ERG: variants seen among roughly 807,000 people sequenced by gnomAD.
The protein encoded by ERG is transcriptional regulator ERG.
A neutral mutation model predicts 55.3 loss-of-function variants in ERG; 9 were observed. The observed-to-expected ratio is 0.16, with a 90% CI of 0.10 to 0.28. ERG has a LOEUF of 0.28. Among genes scored for constraint, ERG ranks in the 10% least tolerant of loss-of-function variants. The probability of loss-of-function intolerance (pLI) is 1.00; values close to 1 mark genes in which losing one functional copy is unlikely to be tolerated. For synonymous variants in ERG, 223 were observed against 237.3 expected, an observed-to-expected ratio of 0.94 and a Z score of 0.55; for missense variants, 434 against 631.6, an observed-to-expected ratio of 0.69 and a Z score of 3.35.
chr21:38,502,292 T>TA (rs1219137770), upstream of ERG, among the ~76,000 whole-genome samples: 10 of 152,362 alleles, frequency 6.6e-5, no homozygotes, highest in East Asian at 1.9e-4. Context: ...CCTGGTTAGT[T>TA]AAAAAATCAC....
intron 3 of ERG, among the ~76,000 whole-genome samples, chr21:38,417,860 T>G (rs1184038461): frequency 6.6e-6 from 1 of 152,174 alleles, no homozygotes; most frequent in Non-Finnish European, 1.5e-5. Context: ...TGCTATAAGC[T>G]GCTAAAGCGA....
chr21:38,589,456 T>C (rs997386229), upstream of ERG, among the ~76,000 whole-genome samples: 1 of 152,208 alleles, frequency 6.6e-6, no homozygotes, highest in Non-Finnish European at 1.5e-5. Context: ...TGCCCCCACA[T>C]GACCCACGGA....
chr21:38,599,649 C>T lies in ERG; in HGVS notation c.-149-14704G>A, dbSNP rs113684300. On this transcript the variant is annotated intron_variant, in intron 1 of 10. Transcript: ENST00000398910. Reference sequence around the variant, plus strand: ...GCGTTTCCGATGCTAACACCAGCTCCGGATGCAAAGAATCTTGAAACAGGA... The same window carrying T: ...GCGTTTCCGATGCTAACACCAGCTCTGGATGCAAAGAATCTTGAAACAGGA... Among the ~76,000 whole-genome samples, 54 of 152,306 alleles carry T rather than the reference C, an allele frequency of 3.5e-4. 1 individual carries two copies. The highest frequency in any genetic ancestry group is 1.2e-3 in the African/African-American group (51 of 41,558).
At chr21:38,614,315 A>G (rs978023201) in intron 1 of ERG, among the ~76,000 whole-genome samples, 4 of 152,108 alleles carry the variant, frequency 2.6e-5, no homozygotes, top group Non-Finnish European at 2.9e-5. Context: ...ATGAATCCCA[A>G]TGTTGTTCAG....
At chr21:38,450,623 C>T (rs1304778986) in intron 1 of ERG, among the ~76,000 whole-genome samples, 1 of 152,174 alleles carries the variant, frequency 6.6e-6, no homozygotes, top group Non-Finnish European at 1.5e-5. Flanking sequence ...ATCTTTTAAC[C>T]ACTTTCATAA....
At chr21:38,614,858 G>A (rs1247001341) in intron 1 of ERG, among the ~76,000 whole-genome samples, 1 of 152,248 alleles carries the variant, frequency 6.6e-6, no homozygotes, top group Non-Finnish European at 1.5e-5. Flanking sequence ...TATTATTCTG[G>A]TTGGCCATTG....
At chr21:38,488,019 A>C (rs933845671) in intron 1 of ERG, among the ~76,000 whole-genome samples, 3 of 152,138 alleles carry the variant, frequency 2.0e-5, no homozygotes, top group African/African-American at 7.2e-5. Context: ...CTCGGGGTCA[A>C]ATGCAATCTC....
intron 1 of ERG, chr21:38,472,000 T>A (rs910254140): frequency 2.0e-5 from 3 of 152,224 alleles, no homozygotes; most frequent in Non-Finnish European, 4.4e-5. Flanking sequence ...CCTGTTGATC[T>A]CTATTCCATA....
At chr21:38,435,730 T>C (rs1341576252) in intron 2 of ERG, among the ~76,000 whole-genome samples, 2 of 152,228 alleles carry the variant, frequency 1.3e-5, no homozygotes, top group Non-Finnish European at 2.9e-5. Flanking sequence ...CAAAAACGAA[T>C]GCCAGCAAGA....
At chr21:38,420,032 T>G (rs1017337486) in intron 3 of ERG, among the ~76,000 whole-genome samples, 2 of 88,444 alleles carry the variant, frequency 2.3e-5, no homozygotes, top group African/African-American at 1.3e-4. Context: ...TAACTGATGG[T>G]TTTTTTTTTT....
chr21:38,375,330 C>T (rs1017212892), downstream of ERG, among the ~76,000 whole-genome samples: 67 of 152,148 alleles, frequency 4.4e-4, no homozygotes, highest in Admixed American at 1.6e-3. Context: ...GGATGGGGAA[C>T]CACGATAGGT....
intron 2 of ERG, among the ~76,000 whole-genome samples, chr21:38,525,130 A>G (rs1601186700): frequency 2.0e-5 from 3 of 152,268 alleles, no homozygotes; most frequent in East Asian, 3.9e-4. Context: ...TTTTAAAACT[A>G]AAAGAGAAAT....
At position 38,438,219 on chromosome 21, in the gene ERG, C is replaced by T. The variant is rs771501095; in HGVS notation, c.236+7185G>A. 2.0e-5 allele frequency among the ~76,000 whole-genome samples: 3 copies of T among 152,196 alleles called. No individual in the cohort carries two copies. In the East Asian group the frequency reaches 5.8e-4, roughly 29 times the overall value. On this transcript the variant is annotated intron_variant, in intron 2 of 9. Coordinates refer to ENST00000288319, the MANE Select transcript of ERG (RefSeq NM_182918.4). Reference sequence around the variant, plus strand: ...CTTTTTTGTGATCTTCTCCAGCCACCTTCTTTAGAGCTGCCATCCGCTTCA... The same window carrying T: ...CTTTTTTGTGATCTTCTCCAGCCACTTTCTTTAGAGCTGCCATCCGCTTCA...
chr21:38,449,878 G>C (rs2058925024), intron 1 of ERG, among the ~76,000 whole-genome samples: 1 of 152,130 alleles, frequency 6.6e-6, no homozygotes. Flanking sequence ...AGAATGGTCA[G>C]GTGAATTTCA....
chr21:38,382,274 C>T lies in ERG; in HGVS notation c.*1129G>A, dbSNP rs182244764. On this transcript the variant is annotated 3_prime_UTR_variant, in exon 10 of 10. Coordinates refer to ENST00000288319, the MANE Select transcript of ERG (RefSeq NM_182918.4). Reference sequence around the variant, plus strand: ...GACTTGTATACTTCATTCTGACAAACGCACAGCGTTCGCGACTCAAAGGAA... The same window carrying T: ...GACTTGTATACTTCATTCTGACAAATGCACAGCGTTCGCGACTCAAAGGAA... 23 of 1,052,588 alleles carry T rather than the reference C, an allele frequency of 2.2e-5. No homozygotes were observed. Among genetic ancestry groups the T allele is most frequent in the Admixed American group, 5.5e-5 (1 of 18,284 alleles). 65.2% of individuals were successfully genotyped at this position (1,052,588 alleles called of 1,614,324 possible).
chr21:38,612,145 G>A (rs979594682), intron 1 of ERG, among the ~76,000 whole-genome samples: 1 of 152,126 alleles, frequency 6.6e-6, no homozygotes, highest in Non-Finnish European at 1.5e-5. Context: ...AAGATCCAGC[G>A]ACGTCCTGAA....
intron 1 of ERG, among the ~76,000 whole-genome samples, chr21:38,607,566 T>A (rs2060203588): frequency 6.6e-6 from 1 of 151,936 alleles, no homozygotes; most frequent in East Asian, 1.9e-4. Flanking sequence ...CCCGGGAGGC[T>A]GAGCTTGCAG....
In ERG at chr21:38,446,351, G is replaced by A. The variant is rs544408553; in HGVS notation, c.19-730C>T. On this transcript the variant is annotated intron_variant, in intron 1 of 9. Coordinates refer to ENST00000288319, the MANE Select transcript of ERG (RefSeq NM_182918.4). ...CCCCTTACTTTCAATTAATATCTTC[G>A]CTCTTTTGCATGATTTGGTGAGAAG... Among the ~76,000 whole-genome samples, 8 of 150,684 alleles carry A rather than the reference G, an allele frequency of 5.3e-5. No homozygotes were observed. In the South Asian group the frequency reaches 6.3e-4, roughly 12 times the overall value.
intron 1 of ERG, among the ~76,000 whole-genome samples, chr21:38,491,738 G>A (rs777470115): frequency 1.3e-5 from 2 of 152,160 alleles, no homozygotes; most frequent in Non-Finnish European, 2.9e-5. Context: ...ACTCTGACCT[G>A]CGTGTTCATT....
Sources: gnomAD v4.1 joint callset for allele counts (sites outside exome capture counted in the v4.1 genomes callset) on GRCh38, gnomAD v4.1.1 for gene constraint, MANE v1.5 for transcripts, NCBI Gene and HGNC (gene_info 2026-07-23, HGNC 2026-07-21) for gene names.